Variants in MADD observed in about 807,000 individuals in gnomAD.
The protein encoded by MADD is MAP kinase activating death domain, also known as MAP kinase-activating death domain protein.
MADD carries 109 observed loss-of-function variants against 176.7 expected under a neutral mutation model. The observed-to-expected ratio is 0.62, with a 90% confidence interval of 0.53 to 0.72. The LOEUF is 0.72. Ranked by LOEUF, MADD falls within the 30% of genes least tolerant of loss-of-function variation. The pLI is 0.00. For synonymous variants in MADD, 771 were observed against 771.3 expected, an observed-to-expected ratio of 1.00 and a Z score of 0.01; for missense variants, 1,914 against 2,045.5, an observed-to-expected ratio of 0.94 and a Z score of 1.24.
chr11:47,283,861 C>G (rs2058829042), intron 10 of MADD, among the ~76,000 whole-genome samples: 1 of 152,256 alleles, frequency 6.6e-6, no homozygotes, highest in Non-Finnish European at 1.5e-5. Flanking sequence ...GCGCGAGCCA[C>G]TGCACCCGGC....
chr11:47,327,113 T>C lies in MADD; in HGVS notation c.4612+306T>C, dbSNP rs559165733. 8.1e-6 allele frequency: 9 copies of C among 1,117,326 alleles called. No individual in the cohort carries two copies. The African/African-American group carries it at 1.1e-4, about 14-fold the overall frequency. The allele number at this position is 1,117,326 out of a possible 1,614,324, so 69.2% of individuals were successfully genotyped here. A position where few individuals can be genotyped will look rare whatever the true frequency, so the allele number is the denominator to read the frequency against. ...CTGGGCCAGCCAGTGGTCAGAAAGT[T>C]TGGGACACAGCAGACTGGCGACCCC... On this transcript the variant is annotated intron_variant, in intron 31 of 32. Transcript: ENST00000402192.
At chr11:47,307,232 A>G (rs1460243334) in intron 22 of MADD, among the ~76,000 whole-genome samples, 2 of 152,178 alleles carry the variant, frequency 1.3e-5, no homozygotes, top group Non-Finnish European at 2.9e-5. Flanking sequence ...CTGCTTTAAT[A>G]AGAGTATTTG....
chr11:47,282,873 C>G, exon 10 of MADD: 1 of 1,614,192 alleles, frequency 6.2e-7, no homozygotes. Flanking sequence ...CAGCTGCAGC[C>G]TATCCACTAT....
intron 14 of MADD, among the ~76,000 whole-genome samples, chr11:47,285,916 CCATA>C (rs1215310747): frequency 6.6e-6 from 1 of 152,196 alleles, no homozygotes; most frequent in Admixed American, 6.5e-5. Context: ...TGATTTGAGT[CCATA>C]TCTGGTATCT....
chr11:47,328,452 G>T (rs1222465272), intron 31 of MADD: 38 of 1,448,376 alleles, frequency 2.6e-5, no homozygotes, highest in Non-Finnish European at 3.3e-5. Context: ...AGCTGAGGAG[G>T]CTAGGGCCAT....
At chr11:47,272,838 G>T (rs1372685905) in intron 1 of MADD, among the ~76,000 whole-genome samples, 1 of 152,154 alleles carries the variant, frequency 6.6e-6, no homozygotes, top group African/African-American at 2.4e-5. Context: ...ACTCATCTGT[G>T]GGTATTGTAT....
At chr11:47,305,573 C>T (rs2081977507) in intron 22 of MADD, among the ~76,000 whole-genome samples, 2 of 152,078 alleles carry the variant, frequency 1.3e-5, no homozygotes, top group Admixed American at 1.3e-4. Flanking sequence ...GAATGAGGCA[C>T]CATGTAGTAG....
At chr11:47,282,261 A>C in intron 8 of MADD, 120 bp from the exon 9 acceptor site, 1 of 708,092 alleles carries the variant, frequency 1.4e-6, no homozygotes, top group Non-Finnish European at 2.4e-6. Context: ...TCTTTAAGAT[A>C]TCTCTCCCCT....
At chr11:47,323,680 G>A in exon 28 of MADD, 1 of 1,613,266 alleles carries the variant, frequency 6.2e-7, no homozygotes, top group Non-Finnish European at 8.5e-7. Context: ...GGTGTGCGAT[G>A]ACTGTGTGGT....
At chr11:47,276,672 G>A (rs187370375) in intron 4 of MADD, 60 bp from the exon 5 acceptor site, 3 of 1,589,010 alleles carry the variant, frequency 1.9e-6, no homozygotes, top group East Asian at 4.5e-5. Flanking sequence ...GTTGGAAGCT[G>A]TTTTCTTGTA....
chr11:47,293,857 A>G lies in MADD; in HGVS notation c.3302-26A>G, dbSNP rs201222718. On this transcript the variant is annotated intron_variant, in intron 19 of 32. Coordinates refer to ENST00000402192, the Ensembl canonical transcript of MADD. ...GCCTGCCCCTAGCCTTTGTGCACGG[A>G]GTAACAGAAGTCTTCCCCTACTCAG... The G allele has an allele frequency of 2.3e-4, 333 of 1,465,222 alleles. No individual in the cohort carries two copies. In the Middle Eastern group the frequency reaches 6.9e-3, roughly 30 times the overall value. The allele number at this position is 1,465,222 out of a possible 1,614,324, so 90.8% of individuals were successfully genotyped here.
At chr11:47,300,845 C>T (rs2077168381) in intron 22 of MADD, among the ~76,000 whole-genome samples, 1 of 152,144 alleles carries the variant, frequency 6.6e-6, no homozygotes, top group Non-Finnish European at 1.5e-5. Context: ...TGAAATTGGA[C>T]TATTCAGGTT....
chr11:47,329,134 G>A (rs778945803), exon 33 of MADD: 25 of 1,613,944 alleles, frequency 1.5e-5, no homozygotes, highest in Middle Eastern at 1.7e-4. Flanking sequence ...ACCCCGCCCC[G>A]GCCTGTCTCT....
chr11:47,322,331 C>T (rs750690577), intron 27 of MADD, among the ~76,000 whole-genome samples: 8 of 152,028 alleles, frequency 5.3e-5, no homozygotes, highest in Non-Finnish European at 8.8e-5. Context: ...TAACTGGCTG[C>T]GCATGGTGGC....
Position 47,278,329 on chromosome 11 carries a change from A to G in MADD, c.1209+51A>G, listed in dbSNP as rs148991995. 5.3e-6 allele frequency: 7 copies of G among 1,321,728 alleles called. No homozygotes were observed. The East Asian group carries it at 6.9e-5, about 13-fold the overall frequency. 81.9% of individuals were successfully genotyped at this position (1,321,728 alleles called of 1,614,324 possible). ...AGAGTCTAGAGGAGGATTGCATTCT[A>G]GACCCAGTCCTGAGATATCTGTTTC... is the stretch of plus-strand genomic sequence containing the variant. On this transcript the variant is annotated intron_variant, in intron 6 of 32. Transcript: ENST00000402192.
At chr11:47,326,616 C>T in intron 30 of MADD, 64 bp downstream of exon 34, 1 of 1,495,116 alleles carries the variant, frequency 6.7e-7, no homozygotes, top group Non-Finnish European at 8.9e-7. Flanking sequence ...GTGGATTCTT[C>T]TGTCCTCTCT....
At chr11:47,304,709 A>G (rs143167282) in intron 22 of MADD, among the ~76,000 whole-genome samples, 3 of 152,222 alleles carry the variant, frequency 2.0e-5, no homozygotes, top group African/African-American at 7.2e-5. Context: ...TAAGATCATT[A>G]CTTTTAATTT....
rs774247675 is a variant in MADD at position 47,293,966 on chromosome 11, C to T, written c.3385C>T (p.Leu1129=). The change falls in exon 20 of 33, where the codon CTG becomes TTG. Residue 1129 remains leucine, a synonymous_variant. Coordinates refer to ENST00000402192, the Ensembl canonical transcript of MADD. Reference sequence around the variant, plus strand: ...GATCAGCGCAGACAGTGGTGTGAGCCTGACGTCTAGTTCCCAGGTTTGTGA... The same window carrying T: ...GATCAGCGCAGACAGTGGTGTGAGCTTGACGTCTAGTTCCCAGGTTTGTGA... The T allele has an allele frequency of 2.5e-6, 4 of 1,614,064 alleles. No homozygotes were observed. The Admixed American group carries it at 5.0e-5, about 20-fold the overall frequency.
chr11:47,292,312 T>G (rs565062224), intron 19 of MADD, among the ~76,000 whole-genome samples: 4 of 152,300 alleles, frequency 2.6e-5, no homozygotes, highest in African/African-American at 9.6e-5. Context: ...GGGTTTTTAC[T>G]GCCACATTGG....
Sources: allele counts gnomAD v4.1 joint callset (sites outside exome capture counted in the v4.1 genomes callset), GRCh38; gene constraint gnomAD v4.1.1; transcripts MANE v1.5; gene names NCBI Gene and HGNC (gene_info 2026-07-23, HGNC 2026-07-21).